The following ATP8A1 variants were observed in gnomAD, a reference collection of about 807,000 sequenced individuals.
ATP8A1 encodes ATPase phospholipid transporting 8A1.
In ATP8A1, 90 loss-of-function variants were observed where a neutral mutation model predicts 177.7. The observed-to-expected ratio is 0.51, with a 90% CI of 0.43 to 0.60. ATP8A1 has a LOEUF of 0.60. Ranked by LOEUF, ATP8A1 falls within the 20% of genes least tolerant of loss-of-function variation. ATP8A1 has a pLI of 0.00. For synonymous variants in ATP8A1, 493 were observed against 485.9 expected (o/e 1.01, Z -0.19); for missense variants, 1,072 against 1,392.8 (o/e 0.77, Z 3.67).
At chr4:42,473,737 T>C (rs953212273) in intron 25 of ATP8A1, among the ~76,000 whole-genome samples, 3 of 152,010 alleles carry the variant, frequency 2.0e-5, no homozygotes, top group African/African-American at 7.2e-5. Flanking sequence ...CCTCAACCTC[T>C]TGGGCTCAAG....
At chr4:42,615,240 T>C (rs977679758) in intron 5 of ATP8A1, among the ~76,000 whole-genome samples, 4 of 152,296 alleles carry the variant, frequency 2.6e-5, no homozygotes, top group Admixed American at 2.6e-4. Context: ...ATAATGCCTA[T>C]TGTGGGAGGT....
chr4:42,513,149 C>T (rs992264968), intron 22 of ATP8A1, among the ~76,000 whole-genome samples: 2 of 152,188 alleles, frequency 1.3e-5, no homozygotes, highest in Non-Finnish European at 2.9e-5. Context: ...TGTCTGATCA[C>T]CGTAGACATC....
chr4:42,571,076 A>G (rs1731854783), intron 14 of ATP8A1, among the ~76,000 whole-genome samples: 1 of 152,228 alleles, frequency 6.6e-6, no homozygotes. Context: ...ACAGATAAAT[A>G]AATGAATGGA....
intron 1 of ATP8A1, among the ~76,000 whole-genome samples, chr4:42,646,381 T>C (rs17448506): frequency 0.25 from 38,106 of 152,036 alleles, 4,876 homozygotes; most frequent in Admixed American, 0.3. Context: ...CTTCAAATGT[T>C]GACGTTAAAG....
chr4:42,553,581 T>A (rs1473944461), intron 16 of ATP8A1, among the ~76,000 whole-genome samples: 1 of 152,004 alleles, frequency 6.6e-6, no homozygotes, highest in East Asian at 1.9e-4. Context: ...GAAATGTCAT[T>A]CAATTTAATA....
At chr4:42,484,083 C>T (rs1162805602) in intron 25 of ATP8A1, among the ~76,000 whole-genome samples, 1 of 152,148 alleles carries the variant, frequency 6.6e-6, no homozygotes, top group East Asian at 1.9e-4. Context: ...ATTAAGTGAC[C>T]AAATCTGCCA....
intron 33 of ATP8A1, among the ~76,000 whole-genome samples, chr4:42,424,035 A>T (rs1714301214): frequency 6.6e-6 from 1 of 152,154 alleles, no homozygotes; most frequent in South Asian, 2.1e-4. Context: ...TGACTACTGT[A>T]TAATCAAATT....
intron 35 of ATP8A1, among the ~76,000 whole-genome samples, chr4:42,422,258 G>A (rs1159809890): frequency 6.6e-6 from 1 of 151,820 alleles, no homozygotes; most frequent in Non-Finnish European, 1.5e-5. Context: ...TGCCTGGCTA[G>A]TTTTTGTATT....
Position 42,574,672 on chromosome 4 carries a change from C to T in ATP8A1, c.1242G>A (p.Leu414=), listed in dbSNP as rs769782339. 7 of 1,606,824 alleles carry T rather than the reference C, an allele frequency of 4.4e-6. No individual in the cohort carries two copies. The highest frequency in any genetic ancestry group is 5.1e-6 in the Non-Finnish European group (6 of 1,178,208). ...TCTTAAACTGCATTACATTGCATGTCAGAGTACCAGTTTTGTCAGAAAATA... is the reference window on the plus strand; with the variant it reads ...TCTTAAACTGCATTACATTGCATGTTAGAGTACCAGTTTTGTCAGAAAATA... ...KYIFSDKTGT[L]TCNVMQFKKC... is the part of the protein sequence containing the mutation. The change falls in exon 14 of 37, where the codon CTG becomes CTA. Residue 414 remains leucine (L), a synonymous_variant. Transcript: ENST00000381668.
rs1360215134 is a variant in ATP8A1 at position 42,555,143 on chromosome 4, T to TAATCA, written c.1413+824_1413+825insTGATT. ...TATCTATCTATCTATCTATCTAATC[T>TAATCA]ATCTATCTATCTATCTATCTATCTA... On this transcript the variant is annotated intron_variant, in intron 16 of 36. Transcript: ENST00000381668. Among the ~76,000 whole-genome samples, 8 of 64,842 alleles carry TAATCA rather than the reference T, an allele frequency of 1.2e-4. No homozygotes were observed. In the East Asian group the frequency reaches 3.3e-3, roughly 27 times the overall value. 42.5% of individuals were successfully genotyped at this position (64,842 alleles called of 152,430 possible).
At chr4:42,563,814 G>C (rs1345143333) in intron 15 of ATP8A1, among the ~76,000 whole-genome samples, 1 of 152,208 alleles carries the variant, frequency 6.6e-6, no homozygotes, top group African/African-American at 2.4e-5. Context: ...TGAGGTTTGG[G>C]CCAGGCGTGG....
At chr4:42,553,459 T>A (rs1223743114) in intron 16 of ATP8A1, among the ~76,000 whole-genome samples, 1 of 152,198 alleles carries the variant, frequency 6.6e-6, no homozygotes, top group Non-Finnish European at 1.5e-5. Flanking sequence ...AGGGGACTCT[T>A]ACAGCCTGAG....
intron 35 of ATP8A1, among the ~76,000 whole-genome samples, chr4:42,415,466 A>T (rs956483095): frequency 7.4e-6 from 1 of 134,800 alleles, no homozygotes; most frequent in African/African-American, 2.6e-5. Flanking sequence ...AACTTCCCAT[A>T]AAAGTGTCTC....
chr4:42,627,193 A>T (rs985370778), intron 1 of ATP8A1, 84 bp from the exon 2 acceptor site: 9 of 962,796 alleles, frequency 9.3e-6, no homozygotes, highest in Non-Finnish European at 1.4e-5. Flanking sequence ...TAGAATATGA[A>T]ATCTGTTAAA....
chr4:42,464,442 T>C (rs1258266063), intron 27 of ATP8A1, among the ~76,000 whole-genome samples: 2 of 152,114 alleles, frequency 1.3e-5, no homozygotes, highest in Non-Finnish European at 2.9e-5. Context: ...TTTTTGTATT[T>C]TTAGTAGAGA....
At chr4:42,590,939 G>GA (rs1011272683) in intron 6 of ATP8A1, 55 bp from the exon 7 acceptor site, 115 of 1,355,372 alleles carry the variant, frequency 8.5e-5, no homozygotes, top group Non-Finnish European at 1.0e-4. Flanking sequence ...ATGAACAGAG[G>GA]AAAAAAAACA....
At chr4:42,572,634 C>T (rs1288960564) in intron 14 of ATP8A1, among the ~76,000 whole-genome samples, 1 of 152,210 alleles carries the variant, frequency 6.6e-6, no homozygotes, top group African/African-American at 2.4e-5. Flanking sequence ...CTTTACTCTA[C>T]ATGGCTTCTG....
intron 6 of ATP8A1, among the ~76,000 whole-genome samples, chr4:42,591,362 A>C (rs1158357557): frequency 1.3e-5 from 2 of 152,136 alleles, no homozygotes; most frequent in African/African-American, 4.8e-5. Context: ...TTAAAAAAAA[A>C]CTATTAAAAA....
rs776386429 is a variant in ATP8A1 at position 42,625,728 on chromosome 4, T to C, written c.165-15A>G. The C allele has an allele frequency of 2.0e-6, 3 of 1,516,112 alleles. No individual in the cohort carries two copies. Among genetic ancestry groups the C allele is most frequent in the Non-Finnish European group, 2.7e-6 (3 of 1,105,862 alleles). The allele number at this position is 1,516,112 out of a possible 1,614,324, so 93.9% of individuals were successfully genotyped here. A position where few individuals can be genotyped will look rare whatever the true frequency, so the allele number is the denominator to read the frequency against. On this transcript the variant is annotated splice_polypyrimidine_tract_variant and intron_variant, in intron 2 of 36. Coordinates refer to ENST00000381668, the MANE Select transcript of ATP8A1 (RefSeq NM_006095.2). ...ATTTTGCAGTGCTAGAAAACAAAAA[T>C]GAAAAGTAGCATAAAACTTCTCCAT... is the stretch of plus-strand genomic sequence containing the variant.
Sources: gnomAD v4.1 joint callset for allele counts (sites outside exome capture counted in the v4.1 genomes callset) on GRCh38, gnomAD v4.1.1 for gene constraint, MANE v1.5 for transcripts, NCBI Gene and HGNC (gene_info 2026-07-23, HGNC 2026-07-21) for gene names.